Variants in TRPC6 observed in about 807,000 individuals in gnomAD.
TRPC6 encodes short transient receptor potential channel 6.
TRPC6 carries 55 observed loss-of-function variants against 90.7 expected under a neutral mutation model. That is an observed-to-expected ratio of 0.61 (90% CI 0.49 to 0.76). The LOEUF is 0.76. Among genes scored for constraint, TRPC6 ranks in the 30% least tolerant of loss-of-function variants. The pLI, the probability that TRPC6 is intolerant of heterozygous loss-of-function variation, is 0.00. For missense variants in TRPC6, 989 were observed against 1,122.7 expected (o/e 0.88, Z 1.70); for synonymous variants, 393 against 393.0 (o/e 1.00, Z 0.00).
At chr11:101,461,288 G>A (rs1591522396) in intron 10 of TRPC6, among the ~76,000 whole-genome samples, 1 of 152,230 alleles carries the variant, frequency 6.6e-6, no homozygotes. Flanking sequence ...GTTTGGGCCA[G>A]GCACGGTGGC....
intron 1 of TRPC6, among the ~76,000 whole-genome samples, chr11:101,548,709 AT>A (rs956859646): frequency 6.6e-6 from 1 of 151,792 alleles, no homozygotes; most frequent in African/African-American, 2.4e-5. Flanking sequence ...TGAAATGATT[AT>A]TTAAAACTTT....
At position 101,491,637 on chromosome 11, in the gene TRPC6, A is replaced by C; in HGVS notation, c.1047T>G (p.Asp349Glu). Residue 349 changes from aspartate (D) to glutamate (E), a missense_variant, in exon 3 of 13, where the codon GAT becomes GAG. By Grantham distance (45) the Asp-to-Glu change is conservative. Coordinates refer to ENST00000344327, the MANE Select transcript of TRPC6 (RefSeq NM_004621.6). ...TEEVEAILNG[D>E]VETLQSGDHG... is the part of the protein sequence containing the mutation. ...GATCACCACTCTGGAGCGTTTCAACATCCCCATTCAGAATGGCCTCGACTT... is the reference window on the plus strand; with the variant it reads ...GATCACCACTCTGGAGCGTTTCAACCTCCCCATTCAGAATGGCCTCGACTT... The C allele has an allele frequency of 6.2e-7, 1 of 1,614,036 alleles. No homozygotes were observed. Among genetic ancestry groups the C allele is most frequent in the Non-Finnish European group, 8.5e-7 (1 of 1,180,014 alleles).
chr11:101,523,781 A>C (rs1860714366), intron 1 of TRPC6, among the ~76,000 whole-genome samples: 1 of 152,238 alleles, frequency 6.6e-6, no homozygotes, highest in African/African-American at 2.4e-5. Flanking sequence ...CTTCACTTAC[A>C]GTCATCATTT....
At chr11:101,471,051 G>T (rs1005270847) in intron 9 of TRPC6, 132 bp downstream of exon 9, 1 of 824,252 alleles carries the variant, frequency 1.2e-6, no homozygotes, top group East Asian at 2.4e-5. Flanking sequence ...GGACTGTGCT[G>T]TGTGAAGTGA....
At chr11:101,514,002 G>A (rs1860457996) in intron 1 of TRPC6, among the ~76,000 whole-genome samples, 1 of 152,182 alleles carries the variant, frequency 6.6e-6, no homozygotes, top group Non-Finnish European at 1.5e-5. Flanking sequence ...ACTGCTATGT[G>A]TAACAGAGTA....
chr11:101,524,247 T>TTTTTTTA (rs763892262), intron 1 of TRPC6, among the ~76,000 whole-genome samples: 10 of 152,130 alleles, frequency 6.6e-5, no homozygotes, highest in African/African-American at 1.9e-4. Context: ...AATCAGGCCA[T>TTTTTTTA]TTTTTTATTT....
Position 101,512,257 on chromosome 11 carries a change from T to A in TRPC6, c.171-7459A>T, listed in dbSNP as rs192124243. On this transcript the variant is annotated intron_variant, in intron 1 of 12. Coordinates refer to ENST00000344327, the MANE Select transcript of TRPC6 (RefSeq NM_004621.6). ...CACACTACATCACACCCTGCCTTAG[T>A]ATTCTATGAATGAAATGGTAAGAGC... Among the ~76,000 whole-genome samples the A allele has an allele frequency of 2.5e-3, 383 of 152,304 alleles. 1 individual carries two copies. The highest frequency in any genetic ancestry group is 4.5e-3 in the Admixed American group (69 of 15,308).
At position 101,516,860 on chromosome 11, in the gene TRPC6, C is replaced by T. The variant is rs192130685; in HGVS notation, c.171-12062G>A. Among the ~76,000 whole-genome samples the T allele has an allele frequency of 3.9e-5, 6 of 152,370 alleles. No individual in the cohort carries two copies. In the East Asian group the frequency reaches 1.2e-3, roughly 29 times the overall value. On this transcript the variant is annotated intron_variant, in intron 1 of 12. Coordinates refer to ENST00000344327, the MANE Select transcript of TRPC6 (RefSeq NM_004621.6). ...TACTCTCTTCTCTGCTATAAAAGAG[C>T]AGGTCAGAACACATTACCTCAGAGG...
At chr11:101,537,574 C>T (rs1017656678) in intron 1 of TRPC6, among the ~76,000 whole-genome samples, 5 of 152,122 alleles carry the variant, frequency 3.3e-5, no homozygotes, top group African/African-American at 1.2e-4. Context: ...GGCACATTTT[C>T]TAGAAACTTC....
intron 1 of TRPC6, among the ~76,000 whole-genome samples, chr11:101,528,109 G>A (rs979539543): frequency 2.6e-5 from 4 of 151,954 alleles, no homozygotes; most frequent in Non-Finnish European, 5.9e-5. Context: ...ATGTCTATCT[G>A]TATATCCATA....
intron 10 of TRPC6, among the ~76,000 whole-genome samples, chr11:101,457,787 G>T (rs915718776): frequency 1.3e-5 from 2 of 152,112 alleles, no homozygotes; most frequent in Non-Finnish European, 2.9e-5. Context: ...CAGAGCTATT[G>T]CAAGAATTAA....
At position 101,491,836 on chromosome 11, in the gene TRPC6, C is replaced by CTTTTTTTTTTTTTTTTTTTTTTTTTTT. The variant is rs71056611; in HGVS notation, c.946-99_946-98insAAAAAAAAAAAAAAAAAAAAAAAAAAA. The stretch of plus-strand genomic sequence containing the variant: ...GATTTTATACTTTAAGAGAAACATT[C>CTTTTTTTTTTTTTTTTTTTTTTTTTTT]TTTTTTTTTTTTTTTTTTTTTTGAG... On this transcript the variant is annotated intron_variant, in intron 2 of 12. Coordinates refer to ENST00000344327, the MANE Select transcript of TRPC6 (RefSeq NM_004621.6). The CTTTTTTTTTTTTTTTTTTTTTTTTTTT allele has an allele frequency of 7.8e-6, 3 of 382,420 alleles. No individual in the cohort carries two copies. The African/African-American group carries it at 1.1e-4, about 14-fold the overall frequency. The allele number at this position is 382,420 out of a possible 1,614,324, so 23.7% of individuals were successfully genotyped here. A position where few individuals can be genotyped will look rare whatever the true frequency, so the allele number is the denominator to read the frequency against.
chr11:101,561,241 T>C (rs1482523283), intron 1 of TRPC6, among the ~76,000 whole-genome samples: 1 of 152,126 alleles, frequency 6.6e-6, no homozygotes, highest in Non-Finnish European at 1.5e-5. Context: ...GAGTAACTCA[T>C]CTTTTTAAAA....
At chr11:101,496,902 A>G (rs536469504) in intron 2 of TRPC6, among the ~76,000 whole-genome samples, 28 of 152,208 alleles carry the variant, frequency 1.8e-4, no homozygotes, top group Non-Finnish European at 2.9e-4. Context: ...ACATACCCCC[A>G]TATCACTTAC....
intron 5 of TRPC6, 92 bp downstream of exon 5, chr11:101,482,857 C>A (rs1859585248): frequency 7.7e-7 from 1 of 1,290,518 alleles, no homozygotes; most frequent in Admixed American, 1.7e-5. Flanking sequence ...ATGCTGCATA[C>A]ATTTGTATAA....
intron 1 of TRPC6, among the ~76,000 whole-genome samples, chr11:101,566,195 C>T (rs1454579533): frequency 6.6e-6 from 1 of 152,156 alleles, no homozygotes; most frequent in African/African-American, 2.4e-5. Flanking sequence ...AAGTTTTGCC[C>T]AGGCACAACA....
In TRPC6 at chr11:101,472,779, G is replaced by A. The variant is rs375789412; in HGVS notation, c.2010-447C>T. Among the ~76,000 whole-genome samples, 5 of 152,110 alleles carry A rather than the reference G, an allele frequency of 3.3e-5. No homozygotes were observed. In the East Asian group the frequency reaches 7.7e-4, roughly 23 times the overall value. ...CAAAATCACTGACATGTCTTAGGTA[G>A]GAATTTCAATGCTTTAGGCCTAATT... On this transcript the variant is annotated intron_variant, in intron 7 of 12. Coordinates refer to ENST00000344327, the MANE Select transcript of TRPC6 (RefSeq NM_004621.6).
chr11:101,538,960 A>G (rs1861114555), intron 1 of TRPC6, among the ~76,000 whole-genome samples: 1 of 152,242 alleles, frequency 6.6e-6, no homozygotes, highest in African/African-American at 2.4e-5. Context: ...GAGCCCAGAC[A>G]GCTGATACCT....
intron 2 of TRPC6, among the ~76,000 whole-genome samples, chr11:101,493,445 T>C (rs1251747113): frequency 6.6e-6 from 1 of 152,150 alleles, no homozygotes; most frequent in Admixed American, 6.5e-5. Flanking sequence ...TTACAATTGC[T>C]CAGGTTGAAT....
Sources: allele counts gnomAD v4.1 joint callset (sites outside exome capture counted in the v4.1 genomes callset), GRCh38; gene constraint gnomAD v4.1.1; transcripts MANE v1.5; gene names NCBI Gene and HGNC (gene_info 2026-07-23, HGNC 2026-07-21).